SLC4A10: variants seen among roughly 807,000 people sequenced by gnomAD.
SLC4A10 encodes sodium-driven chloride bicarbonate exchanger.
Under a neutral mutation model 137.7 loss-of-function variants are expected in SLC4A10, and 42 were observed. The observed-to-expected ratio is 0.30, with a 90% CI of 0.24 to 0.39. The LOEUF (loss-of-function observed/expected upper bound fraction) is 0.39. SLC4A10 is among the 10% of genes least tolerant of loss of function. SLC4A10 has a pLI of 1.00. For synonymous variants in SLC4A10, 474 were observed against 464.1 expected (o/e 1.02, Z -0.27); for missense variants, 925 against 1,355.0 (o/e 0.68, Z 4.98).
intron 1 of SLC4A10, among the ~76,000 whole-genome samples, chr2:161,657,921 A>G (rs1373080368): frequency 6.6e-6 from 1 of 152,178 alleles, no homozygotes; most frequent in Non-Finnish European, 1.5e-5. Flanking sequence ...TGCAATTATA[A>G]TTATTTAATT....
intron 1 of SLC4A10, among the ~76,000 whole-genome samples, chr2:161,713,095 T>A (rs2044469742): frequency 6.6e-6 from 1 of 151,698 alleles, no homozygotes; most frequent in South Asian, 2.1e-4. Flanking sequence ...GGAAACAACA[T>A]CATTAAAGGT....
chr2:161,693,343 C>G (rs1272195360), intron 1 of SLC4A10, among the ~76,000 whole-genome samples: 3 of 151,940 alleles, frequency 2.0e-5, no homozygotes, highest in East Asian at 1.9e-4. Flanking sequence ...CTTATCCCAG[C>G]TTTCACTCAA....
chr2:161,709,461 T>C (rs534322576), intron 1 of SLC4A10, among the ~76,000 whole-genome samples: 1 of 151,742 alleles, frequency 6.6e-6, no homozygotes, highest in Admixed American at 6.6e-5. Context: ...TATTGAAATA[T>C]TGATGCTCTT....
chr2:161,893,834 A>G (rs1046023268), intron 10 of SLC4A10, among the ~76,000 whole-genome samples: 1 of 152,146 alleles, frequency 6.6e-6, no homozygotes, highest in Non-Finnish European at 1.5e-5. Context: ...ATAATAATCT[A>G]GAAATGATTT....
chr2:161,701,981 G>A (rs549857394), intron 1 of SLC4A10, among the ~76,000 whole-genome samples: 16 of 151,968 alleles, frequency 1.1e-4, no homozygotes, highest in Non-Finnish European at 2.2e-4. Context: ...CTGCCACTAT[G>A]GAAAATAGTG....
Position 161,903,989 on chromosome 2 carries a change from T to TC in SLC4A10, c.1443-9dup. 1 of 1,551,828 alleles carries TC rather than the reference T, an allele frequency of 6.4e-7. No individual in the cohort carries two copies. The highest frequency in any genetic ancestry group is 8.7e-7 in the Non-Finnish European group (1 of 1,146,980). Reference sequence around the variant, plus strand: ...ATATTTGGGTTTCACTATTGTGTTTTCCCCCCTGTCTTAGGATTTTTGGGG... The same window carrying TC: ...ATATTTGGGTTTCACTATTGTGTTTTCCCCCCCTGTCTTAGGATTTTTGGGG... On this transcript the variant is annotated splice_polypyrimidine_tract_variant and intron_variant, in intron 12 of 26. Coordinates refer to ENST00000446997, the MANE Select transcript of SLC4A10 (RefSeq NM_001178015.2).
chr2:161,972,613 G>C (rs1698752702), intron 23 of SLC4A10, among the ~76,000 whole-genome samples: 1 of 152,118 alleles, frequency 6.6e-6, no homozygotes, highest in Non-Finnish European at 1.5e-5. Context: ...AGCAAAGAGA[G>C]AAAATAAAAT....
At chr2:161,853,529 A>G (rs1206535094) in intron 4 of SLC4A10, among the ~76,000 whole-genome samples, 2 of 152,204 alleles carry the variant, frequency 1.3e-5, no homozygotes, top group East Asian at 3.9e-4. Context: ...GATGTTCTAC[A>G]CTTTCCTAGG....
chr2:161,712,757 A>G (rs1401126263), intron 1 of SLC4A10, among the ~76,000 whole-genome samples: 4 of 151,884 alleles, frequency 2.6e-5, no homozygotes, highest in Admixed American at 6.6e-5. Flanking sequence ...ATGCTTAAAT[A>G]TGGCATTTTA....
intron 1 of SLC4A10, among the ~76,000 whole-genome samples, chr2:161,720,516 T>G (rs1349707859): frequency 6.6e-6 from 1 of 152,178 alleles, no homozygotes; most frequent in Non-Finnish European, 1.5e-5. Context: ...GGAGTCTAAG[T>G]CTCTTCATAG....
intron 15 of SLC4A10, among the ~76,000 whole-genome samples, chr2:161,926,388 T>TTG (rs1689103720): frequency 2.3e-5 from 1 of 44,404 alleles, no homozygotes; most frequent in African/African-American, 8.5e-5. Flanking sequence ...TTTTTTTGGT[T>TTG]TTTTTTTTTT....
chr2:161,779,068 G>T (rs1416844511), intron 2 of SLC4A10, among the ~76,000 whole-genome samples: 1 of 151,956 alleles, frequency 6.6e-6, no homozygotes, highest in African/African-American at 2.4e-5. Context: ...TTGGCTTCTG[G>T]TGAGGGCTTT....
chr2:161,713,468 A>G (rs1254050342), intron 1 of SLC4A10, among the ~76,000 whole-genome samples: 1 of 151,718 alleles, frequency 6.6e-6, no homozygotes, highest in African/African-American at 2.4e-5. Context: ...ACATGAGAGC[A>G]TTTCTCAGTC....
chr2:161,775,345 C>T (rs2052190317), intron 2 of SLC4A10, among the ~76,000 whole-genome samples: 1 of 151,844 alleles, frequency 6.6e-6, no homozygotes, highest in South Asian at 2.1e-4. Flanking sequence ...GGGTAGTTAC[C>T]ATTCCTGTGG....
chr2:161,971,355 A>G (rs1474740799), intron 23 of SLC4A10, among the ~76,000 whole-genome samples: 1 of 152,204 alleles, frequency 6.6e-6, no homozygotes, highest in East Asian at 1.9e-4. Flanking sequence ...TGGCATTTAA[A>G]TCATAGCATA....
At chr2:161,918,111 A>C (rs559870997) in intron 15 of SLC4A10, among the ~76,000 whole-genome samples, 2 of 152,296 alleles carry the variant, frequency 1.3e-5, no homozygotes, top group Admixed American at 1.3e-4. Context: ...TATTTTACTT[A>C]GGTCACTTAA....
At chr2:161,656,254 G>C (rs979451768) in intron 1 of SLC4A10, among the ~76,000 whole-genome samples, 4 of 152,114 alleles carry the variant, frequency 2.6e-5, no homozygotes, top group Admixed American at 2.0e-4. Context: ...AATAGATCTA[G>C]AAAAAGCATT....
intron 10 of SLC4A10, among the ~76,000 whole-genome samples, chr2:161,885,855 A>G (rs1404354345): frequency 6.6e-6 from 1 of 152,178 alleles, no homozygotes; most frequent in African/African-American, 2.4e-5. Context: ...GTAATCCCAG[A>G]ACTTTCAGAG....
At chr2:161,702,282 G>A (rs2043203333) in intron 1 of SLC4A10, among the ~76,000 whole-genome samples, 1 of 151,888 alleles carries the variant, frequency 6.6e-6, no homozygotes, top group Non-Finnish European at 1.5e-5. Flanking sequence ...ATTATGTTAA[G>A]TGAAATAAGC....
Sources: allele counts gnomAD v4.1 joint callset (sites outside exome capture counted in the v4.1 genomes callset), GRCh38; gene constraint gnomAD v4.1.1; transcripts MANE v1.5; gene names NCBI Gene and HGNC (gene_info 2026-07-23, HGNC 2026-07-21).